Variants in GMDS observed in about 807,000 individuals in gnomAD.
GMDS encodes the protein GDP-mannose 4,6-dehydratase.
GMDS carries 20 observed loss-of-function variants against 49.9 expected under a neutral mutation model. The ratio of observed to expected loss-of-function variants is 0.40; its 90% CI spans 0.28 to 0.58. GMDS has a LOEUF of 0.58. GMDS is among the 20% of genes least tolerant of loss of function. The pLI is 0.42. For missense variants in GMDS, 362 were observed against 481.4 expected (o/e 0.75, Z 2.32); for synonymous variants, 177 against 178.6 (o/e 0.99, Z 0.07).
At chr6:1,854,871 C>T (rs1045718001) in intron 7 of GMDS, among the ~76,000 whole-genome samples, 1 of 152,004 alleles carries the variant, frequency 6.6e-6, no homozygotes, top group Non-Finnish European at 1.5e-5. Flanking sequence ...CTCTAAAGCA[C>T]AGAGATAATT....
At position 1,788,886 on chromosome 6, in the gene GMDS, T is replaced by A. The variant is rs540467365; in HGVS notation, c.772-46300A>T. ...AATTCTGCTGCTACCCACCTGGAGT[T>A]AGGAAGTGACTCTGCAGACTGAAGG... On this transcript the variant is annotated intron_variant, in intron 7 of 10. Coordinates refer to ENST00000380815, the MANE Select transcript of GMDS (RefSeq NM_001500.4). Among the ~76,000 whole-genome samples, 9 of 152,306 alleles carry A rather than the reference T, an allele frequency of 5.9e-5. No homozygotes were observed. The South Asian group carries it at 1.9e-3, about 32-fold the overall frequency.
At chr6:1,862,610 T>C (rs1289570609) in intron 7 of GMDS, among the ~76,000 whole-genome samples, 1 of 152,248 alleles carries the variant, frequency 6.6e-6, no homozygotes, top group Non-Finnish European at 1.5e-5. Context: ...CTGGAGCTTG[T>C]ACTGATTAGT....
chr6:2,089,487 G>T (rs1773197391), intron 4 of GMDS, among the ~76,000 whole-genome samples: 1 of 151,946 alleles, frequency 6.6e-6, no homozygotes, highest in Non-Finnish European at 1.5e-5. Flanking sequence ...GTTGAAGAAG[G>T]GAGAATAGAT....
At position 1,681,845 on chromosome 6, in the gene GMDS, A is replaced by G. The variant is rs1764803399; in HGVS notation, c.987+44571T>C. Among the ~76,000 whole-genome samples, 7 of 152,206 alleles carry G rather than the reference A, an allele frequency of 4.6e-5. No homozygotes were observed. The South Asian group carries it at 1.4e-3, about 31-fold the overall frequency. ...TGAGTAGATGGGACTATAGGCACGC[A>G]CCACAGTGTGCGGCTAATTTTTGTA... On this transcript the variant is annotated intron_variant, in intron 9 of 10. Coordinates refer to ENST00000380815, the MANE Select transcript of GMDS (RefSeq NM_001500.4).
chr6:2,182,230 GA>G (rs561937814), intron 1 of GMDS, among the ~76,000 whole-genome samples: 35 of 152,352 alleles, frequency 2.3e-4, no homozygotes, highest in African/African-American at 8.2e-4. Flanking sequence ...AATTGCAGAA[GA>G]AAAGCTGGAA....
intron 4 of GMDS, among the ~76,000 whole-genome samples, chr6:1,995,095 G>A (rs914834538): frequency 7.9e-5 from 12 of 152,266 alleles, no homozygotes; most frequent in African/African-American, 2.2e-4. Context: ...CCTGCAAGCC[G>A]TAAGCAGCAA....
intron 9 of GMDS, among the ~76,000 whole-genome samples, chr6:1,682,096 C>T (rs1305165742): frequency 6.6e-6 from 1 of 151,960 alleles, no homozygotes; most frequent in Non-Finnish European, 1.5e-5. Context: ...TTCAGTATTG[C>T]GTATGTCTAG....
intron 1 of GMDS, among the ~76,000 whole-genome samples, chr6:2,161,297 C>G (rs1777389005): frequency 6.6e-6 from 1 of 152,224 alleles, no homozygotes; most frequent in Admixed American, 6.5e-5. Flanking sequence ...GCGTGAGCCA[C>G]CACACCCGGC....
intron 9 of GMDS, among the ~76,000 whole-genome samples, chr6:1,712,557 A>C (rs1182650580): frequency 6.6e-6 from 1 of 152,262 alleles, no homozygotes; most frequent in Non-Finnish European, 1.5e-5. Flanking sequence ...CCTGGGGTGC[A>C]AAATGTCACT....
intron 6 of GMDS, among the ~76,000 whole-genome samples, chr6:1,957,390 G>T (rs1250017090): frequency 7.2e-5 from 11 of 152,146 alleles, no homozygotes; most frequent in Admixed American, 5.2e-4. Context: ...CAACATTACT[G>T]TCAGATTAAT....
At chr6:1,989,223 A>G (rs1025654587) in intron 4 of GMDS, among the ~76,000 whole-genome samples, 1 of 152,248 alleles carries the variant, frequency 6.6e-6, no homozygotes, top group Non-Finnish European at 1.5e-5. Flanking sequence ...AAAGAAGTAG[A>G]TAGGGCTAAG....
intron 1 of GMDS, among the ~76,000 whole-genome samples, chr6:2,241,559 C>T (rs142541810): frequency 6.4e-4 from 98 of 152,206 alleles, no homozygotes; most frequent in African/African-American, 2.3e-3. Flanking sequence ...AAGCAGATCC[C>T]TCATGAATGC....
At position 1,625,164 on chromosome 6, in the gene GMDS, C is replaced by T. The variant is rs1212847223; in HGVS notation, c.988-624G>A. ...TGTTTCTTCCCGGGCCGCAGCCAAG[C>T]GCGGTTCTTCCTGGGCGGTGGCTTT... On this transcript the variant is annotated intron_variant, in intron 9 of 10. Transcript: ENST00000380815. The T allele has an allele frequency of 2.0e-5, 3 of 152,364 alleles. No homozygotes were observed. The East Asian group carries it at 5.8e-4, about 29-fold the overall frequency. 9.4% of individuals were successfully genotyped at this position (152,364 alleles called of 1,614,324 possible).
At chr6:1,631,030 A>G (rs1762983567) in intron 9 of GMDS, among the ~76,000 whole-genome samples, 1 of 152,176 alleles carries the variant, frequency 6.6e-6, no homozygotes, top group East Asian at 1.9e-4. Context: ...TAGGGTGTAA[A>G]GATTTACCCA....
chr6:2,057,259 C>A (rs1251197684), intron 4 of GMDS, among the ~76,000 whole-genome samples: 1 of 152,150 alleles, frequency 6.6e-6, no homozygotes, highest in Admixed American at 6.5e-5. Flanking sequence ...TCATGAGACC[C>A]TCCCAGGGAG....
At chr6:2,015,249 T>C (rs1767817241) in intron 4 of GMDS, among the ~76,000 whole-genome samples, 1 of 152,150 alleles carries the variant, frequency 6.6e-6, no homozygotes, top group African/African-American at 2.4e-5. Context: ...GTACACATTC[T>C]CTTCACTGTC....
In GMDS at chr6:1,707,077, T is replaced by C. The variant is rs761061007; in HGVS notation, c.987+19339A>G. Among the ~76,000 whole-genome samples, 5 of 152,232 alleles carry C rather than the reference T, an allele frequency of 3.3e-5. No individual in the cohort carries two copies. In the East Asian group the frequency reaches 5.8e-4, roughly 18 times the overall value. ...GGAAACATTTATAACTGGTAGTTTG[T>C]GGATAACAGAGTAGTATTTTAGCAG... is the stretch of plus-strand genomic sequence containing the variant. On this transcript the variant is annotated intron_variant, in intron 9 of 10. Transcript: ENST00000380815.
intron 4 of GMDS, among the ~76,000 whole-genome samples, chr6:2,081,291 C>G (rs1302434784): frequency 6.6e-6 from 1 of 152,190 alleles, no homozygotes; most frequent in Non-Finnish European, 1.5e-5. Flanking sequence ...CACAAAGAGT[C>G]TGCACACTGC....
rs1354839311 is a variant in GMDS at position 1,983,761 on chromosome 6, CACTGTTGGTTGGAGTGT to C, written c.346-22812_346-22796del. Among the ~76,000 whole-genome samples the C allele has an allele frequency of 7.9e-5, 12 of 152,320 alleles. No individual in the cohort carries two copies. The East Asian group carries it at 1.3e-3, about 17-fold the overall frequency. ...TTGTGGAGAAAAAGAAATGGTTTTA[CACTGTTGGTTGGAGTGT>C]AAATTAGTTCAACCATTGTGGAAGA... On this transcript the variant is annotated intron_variant, in intron 4 of 10. Coordinates refer to ENST00000380815, the MANE Select transcript of GMDS (RefSeq NM_001500.4).
Sources: allele counts gnomAD v4.1 joint callset (sites outside exome capture counted in the v4.1 genomes callset), GRCh38; gene constraint gnomAD v4.1.1; transcripts MANE v1.5; gene names NCBI Gene and HGNC (gene_info 2026-07-23, HGNC 2026-07-21).